Variants in TMCC3 observed in about 807,000 individuals in gnomAD.
The protein encoded by TMCC3 is transmembrane and coiled-coil domain protein 3.
A neutral mutation model predicts 40.2 loss-of-function variants in TMCC3; 28 were observed. That is an observed-to-expected ratio of 0.70 (90% confidence interval 0.52 to 0.95). TMCC3 has a LOEUF of 0.95. Ranked by LOEUF, TMCC3 falls within the 40% of genes least tolerant of loss-of-function variation. TMCC3 has a pLI of 0.00. For synonymous variants in TMCC3, 255 were observed against 248.5 expected, an observed-to-expected ratio of 1.03 and a Z score of -0.25; for missense variants, 554 against 615.2, an observed-to-expected ratio of 0.90 and a Z score of 1.05.
chr12:94,582,562 C>G, intron 1 of TMCC3, 24 bp from the exon 2 acceptor site: 1 of 1,550,584 alleles, frequency 6.4e-7, no homozygotes, highest in Non-Finnish European at 8.7e-7. Flanking sequence ...GAAAGAAGCA[C>G]ATTAAAATTT....
chr12:94,646,142 C>T (rs1281476858), intron 1 of TMCC3, among the ~76,000 whole-genome samples: 1 of 151,934 alleles, frequency 6.6e-6, no homozygotes, highest in Non-Finnish European at 1.5e-5. Context: ...CAGGATGGAA[C>T]AGAAGTTGGT....
rs61688830 is a variant in TMCC3, at chr12:94,613,103, TACACACAC to T, written c.79-30573_79-30566del. ...ATATATATACACACAATAAAATGGATACACACACACACACACACACACATTGTGTTTAT... is the reference window on the plus strand; with the variant it reads ...ATATATATACACACAATAAAATGGATACACACACACACACATTGTGTTTAT... On this transcript the variant is annotated intron_variant, in intron 1 of 3. Coordinates refer to ENST00000261226, the MANE Select transcript of TMCC3 (RefSeq NM_020698.4). Among the ~76,000 whole-genome samples the T allele has an allele frequency of 3.4e-3, 510 of 149,054 alleles. 3 individuals carry two copies. The highest frequency in any genetic ancestry group is 0.011 in the African/African-American group (462 of 40,592).
chr12:94,587,309 G>A (rs1413080451), intron 1 of TMCC3, among the ~76,000 whole-genome samples: 2 of 152,082 alleles, frequency 1.3e-5, no homozygotes, highest in Admixed American at 6.5e-5. Flanking sequence ...CACCTCTACG[G>A]GCTTCCATTT....
chr12:94,588,870 T>C (rs545837547), intron 1 of TMCC3, among the ~76,000 whole-genome samples: 43 of 150,340 alleles, frequency 2.9e-4, no homozygotes, highest in Non-Finnish European at 5.5e-4. Context: ...GTCACCCAGG[T>C]TGGAGTGCAG....
chr12:94,631,891 G>A (rs1006789395), intron 1 of TMCC3, among the ~76,000 whole-genome samples: 3 of 152,224 alleles, frequency 2.0e-5, no homozygotes, highest in African/African-American at 7.2e-5. Flanking sequence ...CAGAAAAACA[G>A]ATGAGGTGTG....
intron 1 of TMCC3, among the ~76,000 whole-genome samples, chr12:94,624,586 C>T (rs563847619): frequency 5.9e-5 from 9 of 152,006 alleles, no homozygotes; most frequent in Middle Eastern, 3.4e-3. Flanking sequence ...TGGTGGCGTA[C>T]GCCTGTAGTC....
chr12:94,643,365 G>A, intron 1 of TMCC3, among the ~76,000 whole-genome samples: 1 of 152,132 alleles, frequency 6.6e-6, no homozygotes, highest in East Asian at 1.9e-4. Flanking sequence ...TGGCTCAAAA[G>A]AAGGTGTGAA....
chr12:94,577,075 G>T (rs1260773176), intron 3 of TMCC3, among the ~76,000 whole-genome samples: 2 of 152,154 alleles, frequency 1.3e-5, no homozygotes, highest in African/African-American at 4.8e-5. Context: ...GTGTTGCTGA[G>T]AAGTAAATGG....
chr12:94,624,993 T>C (rs532863119), intron 1 of TMCC3, among the ~76,000 whole-genome samples: 23 of 151,358 alleles, frequency 1.5e-4, no homozygotes, highest in Non-Finnish European at 2.7e-4. Flanking sequence ...ATACAAAAAA[T>C]TAGCTGGGTG....
intron 3 of TMCC3, among the ~76,000 whole-genome samples, chr12:94,572,812 G>T (rs550063519): frequency 6.6e-6 from 1 of 152,254 alleles, no homozygotes; most frequent in South Asian, 2.1e-4. Flanking sequence ...GGCGGAGGAA[G>T]GCGAGAGAAG....
At chr12:94,616,541 G>A (rs984240914) in intron 1 of TMCC3, 2 of 152,494 alleles carry the variant, frequency 1.3e-5, no homozygotes, top group African/African-American at 2.4e-5. Flanking sequence ...CAGGCGCAGC[G>A]AGGCGTGCTG....
chr12:94,639,903 C>G (rs1268200868), intron 1 of TMCC3, among the ~76,000 whole-genome samples: 1 of 151,982 alleles, frequency 6.6e-6, no homozygotes, highest in Non-Finnish European at 1.5e-5. Context: ...TTTTCACAAC[C>G]CATGAGTGGG....
chr12:94,613,065 A>G (rs1277872605), intron 1 of TMCC3, among the ~76,000 whole-genome samples: 1 of 151,734 alleles, frequency 6.6e-6, no homozygotes, highest in African/African-American at 2.4e-5. Flanking sequence ...ATACACGCAC[A>G]TTGGAGATAT....
intron 1 of TMCC3, among the ~76,000 whole-genome samples, chr12:94,596,450 CA>C (rs1451306039): frequency 3.3e-5 from 5 of 152,178 alleles, no homozygotes; most frequent in Admixed American, 6.5e-5. Context: ...GTCTCCTTCC[CA>C]ATTCACCTTT....
chr12:94,583,038 G>A (rs1241694418), intron 1 of TMCC3, among the ~76,000 whole-genome samples: 1 of 147,584 alleles, frequency 6.8e-6, no homozygotes, highest in African/African-American at 2.5e-5. Flanking sequence ...ATACGAGCAG[G>A]TACATCCATC....
intron 1 of TMCC3, among the ~76,000 whole-genome samples, chr12:94,612,886 A>G (rs1362034225): frequency 6.6e-6 from 1 of 152,202 alleles, no homozygotes; most frequent in East Asian, 1.9e-4. Context: ...TGCATCCCCT[A>G]GAGACCCAGA....
At chr12:94,594,080 T>C (rs1468932836) in intron 1 of TMCC3, among the ~76,000 whole-genome samples, 1 of 152,140 alleles carries the variant, frequency 6.6e-6, no homozygotes, top group East Asian at 1.9e-4. Flanking sequence ...AGGGAGTCTC[T>C]GGGGACCCTG....
Position 94,581,934 on chromosome 12 carries a change from T to C in TMCC3, c.683A>G (p.Glu228Gly), listed in dbSNP as rs754070676. The change falls in exon 2 of 4, where the codon GAG (glutamate) becomes GGG (glycine). Residue 228 changes from glutamate to glycine, a missense_variant. Coordinates refer to ENST00000261226, the MANE Select transcript of TMCC3 (RefSeq NM_020698.4). ...DNIAHLKNSL[E>G]EFRPEASARA... is the part of the protein sequence containing the mutation. Reference sequence around the variant, plus strand: ...GGCACTCGCCTCTGGCCTAAACTCCTCTAAGGAATTTTTCAAGTGAGCAAT... The same window carrying C: ...GGCACTCGCCTCTGGCCTAAACTCCCCTAAGGAATTTTTCAAGTGAGCAAT... The C allele has an allele frequency of 6.2e-7, 1 of 1,614,234 alleles. No homozygotes were observed.
At chr12:94,612,222 ACTCCT>A (rs2068820502) in intron 1 of TMCC3, among the ~76,000 whole-genome samples, 1 of 146,546 alleles carries the variant, frequency 6.8e-6, no homozygotes, top group Non-Finnish European at 1.5e-5. Flanking sequence ...CTGGTCTCGA[ACTCCT>A]GGGTTTCAAG....
Sources: gnomAD v4.1 joint callset for allele counts (sites outside exome capture counted in the v4.1 genomes callset) on GRCh38, gnomAD v4.1.1 for gene constraint, MANE v1.5 for transcripts, NCBI Gene and HGNC (gene_info 2026-07-23, HGNC 2026-07-21) for gene names.